MBD5: variants seen among roughly 807,000 people sequenced by gnomAD.
The protein encoded by MBD5 is methyl-CpG binding domain protein 5, also known as methyl-CpG-binding domain protein 5.
A neutral mutation model predicts 117.3 loss-of-function variants in MBD5; 13 were observed. That is an observed-to-expected ratio of 0.11 (90% CI 0.07 to 0.18). The LOEUF (loss-of-function observed/expected upper bound fraction) is 0.18. Ranked by LOEUF, MBD5 falls within the 10% of genes least tolerant of loss-of-function variation. MBD5 has a pLI of 1.00. For synonymous variants in MBD5, 727 were observed against 766.4 expected, an observed-to-expected ratio of 0.95 and a Z score of 0.85; for missense variants, 1,879 against 2,093.8, an observed-to-expected ratio of 0.90 and a Z score of 2.00.
chr2:148,214,738 C>T (rs1461606142), intron 2 of MBD5, among the ~76,000 whole-genome samples: 9 of 152,108 alleles, frequency 5.9e-5, no homozygotes, highest in Admixed American at 2.0e-4. Context: ...TGAAACTTGT[C>T]TTCGGTTGTG....
At chr2:148,154,198 G>T (rs1217091894) in intron 1 of MBD5, among the ~76,000 whole-genome samples, 21 of 150,924 alleles carry the variant, frequency 1.4e-4, no homozygotes, top group Non-Finnish European at 2.9e-4. Flanking sequence ...GTACCCTGCC[G>T]TGTGAGGTGT....
chr2:148,395,250 G>T (rs1224821264), intron 4 of MBD5, among the ~76,000 whole-genome samples: 1 of 152,034 alleles, frequency 6.6e-6, no homozygotes, highest in East Asian at 1.9e-4. Context: ...ATTTCCTTTA[G>T]CCACTTATGG....
chr2:148,337,871 CA>C (rs1702839124), intron 3 of MBD5, among the ~76,000 whole-genome samples: 1 of 152,158 alleles, frequency 6.6e-6, no homozygotes, highest in Admixed American at 6.5e-5. Context: ...ATAAAGCAGC[CA>C]ACCTGCTCCA....
chr2:148,161,078 A>G (rs1302425023), intron 1 of MBD5, among the ~76,000 whole-genome samples: 2 of 152,208 alleles, frequency 1.3e-5, no homozygotes. Flanking sequence ...ACAGCTACAA[A>G]TATTGGTCCT....
intron 3 of MBD5, among the ~76,000 whole-genome samples, chr2:148,328,565 C>G (rs563465813): frequency 9.2e-5 from 14 of 152,354 alleles, no homozygotes; most frequent in Admixed American, 3.3e-4. Flanking sequence ...TTAAGCCCAT[C>G]GGAAAAGCGC....
chr2:148,079,595 A>G (rs1479544150), intron 1 of MBD5, among the ~76,000 whole-genome samples: 1 of 150,594 alleles, frequency 6.6e-6, no homozygotes, highest in African/African-American at 2.5e-5. Flanking sequence ...GCGGTGGCTC[A>G]CATCTGTAAT....
At chr2:148,285,617 A>G (rs1701350914) in intron 3 of MBD5, among the ~76,000 whole-genome samples, 1 of 152,238 alleles carries the variant, frequency 6.6e-6, no homozygotes, top group Admixed American at 6.5e-5. Context: ...CAAAATTAGG[A>G]AATATTACAT....
At chr2:148,252,327 G>A (rs1240872105) in intron 3 of MBD5, among the ~76,000 whole-genome samples, 1 of 152,076 alleles carries the variant, frequency 6.6e-6, no homozygotes, top group African/African-American at 2.4e-5. Flanking sequence ...AGGCATGGTG[G>A]TGTGCACCTG....
intron 2 of MBD5, among the ~76,000 whole-genome samples, chr2:148,227,794 C>T (rs1416945410): frequency 2.0e-5 from 3 of 152,130 alleles, no homozygotes; most frequent in African/African-American, 7.2e-5. Context: ...TTTCCTTGAG[C>T]AGTGGTTTGT....
intron 1 of MBD5, among the ~76,000 whole-genome samples, chr2:148,040,583 GAT>G (rs1427638949): frequency 6.6e-6 from 1 of 152,030 alleles, no homozygotes; most frequent in Non-Finnish European, 1.5e-5. Flanking sequence ...AAGTGACAAT[GAT>G]AGCTTTTTAA....
chr2:148,284,159 CAT>C (rs1396046913), intron 3 of MBD5, among the ~76,000 whole-genome samples: 7 of 152,150 alleles, frequency 4.6e-5, no homozygotes, highest in Admixed American at 4.6e-4. Context: ...AATCTCCACA[CAT>C]AGAGAGCTTC....
chr2:148,146,733 G>C (rs1697478503), intron 1 of MBD5, among the ~76,000 whole-genome samples: 1 of 152,040 alleles, frequency 6.6e-6, no homozygotes, highest in Admixed American at 6.6e-5. Flanking sequence ...GCATTGTTGG[G>C]ATGCTGGATG....
chr2:148,102,753 GA>G (rs1160287748), intron 1 of MBD5, among the ~76,000 whole-genome samples: 8 of 118,210 alleles, frequency 6.8e-5, no homozygotes, highest in South Asian at 3.1e-4. Flanking sequence ...GAGAGAGAGA[GA>G]GAGAGAGGAA....
chr2:148,465,206 A>G (rs1398064767), intron 7 of MBD5, among the ~76,000 whole-genome samples: 1 of 152,168 alleles, frequency 6.6e-6, no homozygotes, highest in Non-Finnish European at 1.5e-5. Flanking sequence ...AGATGATGTT[A>G]GCTCCTCATC....
intron 11 of MBD5, among the ~76,000 whole-genome samples, chr2:148,491,105 G>GGCAATGCCTGACATTTTTAGAAAGTCTA: frequency 6.6e-6 from 1 of 151,278 alleles, no homozygotes; most frequent in African/African-American, 2.5e-5. Context: ...GCCATTTCTG[G>GGCAATGCCTGACATTTTTAGAAAGTCTA]AAGCAGCAGG....
chr2:148,227,687 C>T (rs1413587932), intron 2 of MBD5, among the ~76,000 whole-genome samples: 4 of 152,172 alleles, frequency 2.6e-5, no homozygotes, highest in African/African-American at 9.7e-5. Context: ...GGCATTGAAT[C>T]TATAAATTAC....
rs948938714 is a variant in MBD5, at chr2:148,483,688, C to T, written c.3097C>T (p.Pro1033Ser). 1.9e-6 allele frequency: 3 copies of T among 1,550,576 alleles called. No individual in the cohort carries two copies. Among genetic ancestry groups the T allele is most frequent in the Non-Finnish European group, 2.6e-6 (3 of 1,147,020 alleles). The change falls in exon 9 of 14, where the codon CCA (proline) becomes TCA (serine). Residue 1033 changes from proline to serine, a missense_variant. By Grantham distance (74) the Pro-to-Ser change is moderately conservative (BLOSUM62 -1). Around this residue, in one of 4 missense-constraint regions of MBD5, gnomAD observed 1,666 missense variants for 1,792.2 expected, o/e 0.93. Coordinates refer to ENST00000642680, the MANE Select transcript of MBD5 (RefSeq NM_001378120.1). ...CTCATTAACACAGATGACAGCCCCA[C>T]CAGACCATTTGCCAAGCAATCAGTC... ...LPSLTQMTAP[P>S]DHLPSNQSDN... is the part of the protein sequence containing the mutation.
At chr2:148,180,414 C>G (rs1334788507) in intron 2 of MBD5, among the ~76,000 whole-genome samples, 1 of 145,792 alleles carries the variant, frequency 6.9e-6, no homozygotes, top group Non-Finnish European at 1.5e-5. Context: ...GTTGCTCAGA[C>G]TAGATTTGAG....
intron 13 of MBD5, chr2:148,512,177 G>A (rs1463184008): frequency 2.6e-5 from 4 of 154,978 alleles, no homozygotes; most frequent in African/African-American, 9.7e-5. Flanking sequence ...AATTATACCT[G>A]CTATCTAATG....
Sources: gnomAD v4.1 joint callset for allele counts (sites outside exome capture counted in the v4.1 genomes callset) on GRCh38, gnomAD v4.1.1 for gene constraint, gnomAD v4.1.1 regional missense constraint, MANE v1.5 for transcripts, NCBI Gene and HGNC (gene_info 2026-07-23, HGNC 2026-07-21) for gene names.